SLC25A42: variants seen among roughly 807,000 people sequenced by gnomAD.
SLC25A42 encodes the protein mitochondrial coenzyme A transporter SLC25A42.
Under a neutral mutation model 34.7 loss-of-function variants are expected in SLC25A42, and 19 were observed. The observed-to-expected ratio is 0.55, with a 90% CI of 0.38 to 0.80. SLC25A42 has a LOEUF of 0.80. Among genes scored for constraint, SLC25A42 ranks in the 30% least tolerant of loss-of-function variants. The pLI is 0.00. For missense variants in SLC25A42, 364 were observed against 441.3 expected, an observed-to-expected ratio of 0.82 and a Z score of 1.57; for synonymous variants, 205 against 191.2, an observed-to-expected ratio of 1.07 and a Z score of -0.59.
intron 2 of SLC25A42, among the ~76,000 whole-genome samples, chr19:19,097,348 CTG>C (rs2059771228): frequency 6.6e-6 from 1 of 152,236 alleles, no homozygotes; most frequent in African/African-American, 2.4e-5. Context: ...CACCAGGTGA[CTG>C]AGGCACAGGG....
chr19:19,072,747 A>T (rs2059637519), intron 1 of SLC25A42, among the ~76,000 whole-genome samples: 1 of 152,046 alleles, frequency 6.6e-6, no homozygotes, highest in African/African-American at 2.4e-5. Context: ...TGGTGTAATC[A>T]CAGCACATGC....
chr19:19,104,472 C>T (rs1378293049), intron 3 of SLC25A42, among the ~76,000 whole-genome samples: 1 of 152,184 alleles, frequency 6.6e-6, no homozygotes, highest in Non-Finnish European at 1.5e-5. Context: ...CAGCACAGAG[C>T]CAGAAAGGGA....
In SLC25A42 at chr19:19,111,191, T is replaced by C; in HGVS notation, c.*315T>C. 1 of 425,962 alleles carries C rather than the reference T, an allele frequency of 2.3e-6. No homozygotes were observed. The highest frequency in any genetic ancestry group is 4.3e-6 in the Non-Finnish European group (1 of 234,294). The allele number at this position is 425,962 out of a possible 1,614,324, so 26.4% of individuals were successfully genotyped here. A position where few individuals can be genotyped will look rare whatever the true frequency, so the allele number is the denominator to read the frequency against. Reference sequence around the variant, plus strand: ...GTGGGGCGTGGTCAGCTCCACCTCCTGATCCTGTGTGTCCTCCGACATGCT... The same window carrying C: ...GTGGGGCGTGGTCAGCTCCACCTCCCGATCCTGTGTGTCCTCCGACATGCT... On this transcript the variant is annotated 3_prime_UTR_variant, in exon 8 of 8. Transcript: ENST00000318596.
At position 19,087,591 on chromosome 19, in the gene SLC25A42, C is replaced by T. The variant is rs115049515; in HGVS notation, c.-34-8500C>T. Among the ~76,000 whole-genome samples, 943 of 152,190 alleles carry T rather than the reference C, an allele frequency of 6.2e-3. 8 individuals are homozygous for T. The highest frequency in any genetic ancestry group is 0.022 in the African/African-American group (903 of 41,542). Reference sequence around the variant, plus strand: ...GTGTGAGCCACCGTGCCCAGCTGTCCCCATGGTTCTTGATGGCAACAATTA... The same window carrying T: ...GTGTGAGCCACCGTGCCCAGCTGTCTCCATGGTTCTTGATGGCAACAATTA... On this transcript the variant is annotated intron_variant, in intron 1 of 7. Transcript: ENST00000318596.
In SLC25A42 at chr19:19,096,123, G is replaced by A. The variant is rs2059763650; in HGVS notation, c.-2G>A. ...TCTCCTGCCATTCCGAGCAGGCCTG[G>A]TATGGGTAATGGTGTGAAGGAAGGC... is the stretch of plus-strand genomic sequence containing the variant. On this transcript the variant is annotated 5_prime_UTR_variant, in exon 2 of 8. Transcript: ENST00000318596. The A allele has an allele frequency of 6.2e-7, 1 of 1,613,880 alleles. No individual in the cohort carries two copies. The highest frequency in any genetic ancestry group is 1.3e-5 in the African/African-American group (1 of 74,864).
Position 19,109,375 on chromosome 19 carries a change from G to A in SLC25A42, c.650-1194G>A, listed in dbSNP as rs1034372783. Among the ~76,000 whole-genome samples the A allele has an allele frequency of 1.3e-5, 2 of 152,152 alleles. No homozygotes were observed. Among genetic ancestry groups the A allele is most frequent in the African/African-American group, 4.8e-5 (2 of 41,432 alleles). ...CCTTGACCCCACGTTCTCACCCCACGTGATGCCATCAGACCCCTTGTTTTT... is the reference window on the plus strand; with the variant it reads ...CCTTGACCCCACGTTCTCACCCCACATGATGCCATCAGACCCCTTGTTTTT... On this transcript the variant is annotated intron_variant, in intron 7 of 7. Coordinates refer to ENST00000318596, the MANE Select transcript of SLC25A42 (RefSeq NM_178526.5). This position sits in a 1 kb window ranked among gnomAD's most constrained non-coding sequence, Gnocchi z 4.1.
intron 1 of SLC25A42, 128 bp downstream of exon 1, chr19:19,064,243 C>T (rs1014880894): frequency 5.3e-5 from 8 of 152,326 alleles, no homozygotes; most frequent in African/African-American, 1.9e-4. Context: ...CTACTGCCCC[C>T]TGGGGGCTAC....
intron 1 of SLC25A42, among the ~76,000 whole-genome samples, chr19:19,084,164 C>T (rs527267082): frequency 6.6e-6 from 1 of 152,362 alleles, no homozygotes; most frequent in South Asian, 2.1e-4. Flanking sequence ...TACCTGCCTG[C>T]ATCCCACCAC....
intron 1 of SLC25A42, among the ~76,000 whole-genome samples, chr19:19,072,690 T>G (rs1170335839): frequency 6.6e-6 from 1 of 150,772 alleles, no homozygotes; most frequent in African/African-American, 2.4e-5. Flanking sequence ...GCCAAAAAAT[T>G]TTTTTTAGAG....
At chr19:19,073,313 G>A (rs1414304629) in intron 1 of SLC25A42, among the ~76,000 whole-genome samples, 1 of 152,170 alleles carries the variant, frequency 6.6e-6, no homozygotes, top group Non-Finnish European at 1.5e-5. Context: ...CCTGGTTGCA[G>A]GGAAGCAAGT....
intron 4 of SLC25A42, 41 bp from the exon 5 acceptor site, chr19:19,105,520 G>A (rs1289149038): frequency 6.3e-7 from 1 of 1,589,420 alleles, no homozygotes. Flanking sequence ...AGGGAGGGCA[G>A]GCAGAGGCAG....
chr19:19,070,932 A>G (rs146207100), intron 1 of SLC25A42, among the ~76,000 whole-genome samples: 2 of 151,294 alleles, frequency 1.3e-5, no homozygotes, highest in African/African-American at 4.9e-5. Context: ...CTCCCTCGGA[A>G]GGTGGAGGCA....
At position 19,101,820 on chromosome 19, in the gene SLC25A42, G is replaced by T; in HGVS notation, c.121G>T (p.Ala41Ser). Residue 41 changes from alanine (A) to serine (S), a missense_variant, in exon 3 of 8, where the codon GCC (alanine) becomes TCC (serine). Coordinates refer to ENST00000318596, the MANE Select transcript of SLC25A42 (RefSeq NM_178526.5). ...AGTGCTCAGCTCCCTGCTGTCTGGG[G>T]CCCTGGCTGGTGCCCTTGCCAAAAC... ...RQVLSSLLSGALAGALAKTAV... is the reference protein window; with the variant it reads ...RQVLSSLLSGSLAGALAKTAV... 6.2e-7 allele frequency: 1 copy of T among 1,613,886 alleles called. No homozygotes were observed. The highest frequency in any genetic ancestry group is 8.5e-7 in the Non-Finnish European group (1 of 1,179,888).
At chr19:19,074,718 C>T (rs997608492) in intron 1 of SLC25A42, among the ~76,000 whole-genome samples, 7 of 150,756 alleles carry the variant, frequency 4.6e-5, no homozygotes, top group East Asian at 1.9e-4. Context: ...TGTGTGCGTG[C>T]GTGTATGTGT....
chr19:19,108,128 T>C, intron 7 of SLC25A42, 83 bp downstream of exon 7: 1 of 1,472,448 alleles, frequency 6.8e-7, no homozygotes, highest in Admixed American at 2.4e-5. Context: ...CACATAGACC[T>C]GGAGACCAGG....
intron 7 of SLC25A42, among the ~76,000 whole-genome samples, chr19:19,110,257 T>G (rs1310657309): frequency 1.3e-5 from 2 of 152,130 alleles, no homozygotes; most frequent in African/African-American, 4.8e-5. Flanking sequence ...GAGACAGAAT[T>G]GCTTGAACCC....
chr19:19,065,164 G>T (rs1480020781), intron 1 of SLC25A42, among the ~76,000 whole-genome samples: 1 of 152,146 alleles, frequency 6.6e-6, no homozygotes, highest in African/African-American at 2.4e-5. Context: ...CCTCTGCCAA[G>T]CGTGTGTCTC....
chr19:19,086,373 A>G (rs1242976874), intron 1 of SLC25A42, among the ~76,000 whole-genome samples: 1 of 151,936 alleles, frequency 6.6e-6, no homozygotes, highest in Non-Finnish European at 1.5e-5. Flanking sequence ...ACCTCAGGTG[A>G]TCCACCTGCC....
At chr19:19,073,082 G>A (rs2059638866) in intron 1 of SLC25A42, among the ~76,000 whole-genome samples, 1 of 152,238 alleles carries the variant, frequency 6.6e-6, no homozygotes, top group South Asian at 2.1e-4. Flanking sequence ...TGGTGGCAGG[G>A]AGCCTGTGCA....
Sources: gnomAD v4.1 joint callset for allele counts (sites outside exome capture counted in the v4.1 genomes callset) on GRCh38, gnomAD v4.1.1 for gene constraint, Gnocchi (gnomAD v3.1) non-coding constraint, MANE v1.5 for transcripts, NCBI Gene and HGNC (gene_info 2026-07-23, HGNC 2026-07-21) for gene names.